Variants in DPYD observed in about 807,000 individuals in gnomAD.
The protein encoded by DPYD is dihydropyrimidine dehydrogenase.
Under a neutral mutation model 116.2 loss-of-function variants are expected in DPYD, and 109 were observed. The observed-to-expected ratio is 0.94, with a 90% CI of 0.80 to 1.10. DPYD has a LOEUF of 1.10. Among genes scored for constraint, DPYD ranks in the 50% least tolerant of loss-of-function variants. The pLI is 0.00. For synonymous variants in DPYD, 440 were observed against 432.0 expected (o/e 1.02, Z -0.23); for missense variants, 1,302 against 1,254.5 (o/e 1.04, Z -0.57).
chr1:97,160,883 T>C (rs1353884314), intron 20 of DPYD, among the ~76,000 whole-genome samples: 1 of 152,190 alleles, frequency 6.6e-6, no homozygotes, highest in East Asian at 1.9e-4. Flanking sequence ...GGTCACTATT[T>C]ATTCTTGAGT....
At chr1:97,565,427 T>C (rs1206671786) in intron 11 of DPYD, among the ~76,000 whole-genome samples, 1 of 152,200 alleles carries the variant, frequency 6.6e-6, no homozygotes, top group Admixed American at 6.5e-5. Context: ...ATCCCTACTT[T>C]AGCATATAAT....
intron 19 of DPYD, among the ~76,000 whole-genome samples, chr1:97,231,113 C>T (rs549037347): frequency 2.1e-4 from 32 of 152,326 alleles, no homozygotes; most frequent in African/African-American, 7.2e-4. Context: ...ACATAACTCT[C>T]GTTTAGTTTT....
chr1:97,876,995 G>A (rs527710496), intron 2 of DPYD, among the ~76,000 whole-genome samples: 5 of 152,146 alleles, frequency 3.3e-5, no homozygotes, highest in Admixed American at 2.0e-4. Context: ...TGGAGAAAGA[G>A]GATCAATGCC....
chr1:97,915,466 T>C (rs1025743848), intron 1 of DPYD, among the ~76,000 whole-genome samples: 1 of 152,132 alleles, frequency 6.6e-6, no homozygotes, highest in African/African-American at 2.4e-5. Context: ...GTAATAATTA[T>C]AAACCACAGG....
chr1:97,617,839 G>A (rs987433530), intron 8 of DPYD, among the ~76,000 whole-genome samples: 3 of 152,112 alleles, frequency 2.0e-5, no homozygotes, highest in East Asian at 3.9e-4. Flanking sequence ...ATTCCTACAC[G>A]CATTAAAGTT....
At chr1:97,487,335 T>G (rs1041014807) in intron 13 of DPYD, among the ~76,000 whole-genome samples, 1 of 152,094 alleles carries the variant, frequency 6.6e-6, no homozygotes, top group African/African-American at 2.4e-5. Context: ...AATAAGCATG[T>G]GAAAAGACGT....
At chr1:97,503,946 G>A (rs1175253128) in intron 13 of DPYD, among the ~76,000 whole-genome samples, 1 of 151,974 alleles carries the variant, frequency 6.6e-6, no homozygotes, top group Non-Finnish European at 1.5e-5. Context: ...GAGACCTTAA[G>A]GGGCATTGAG....
chr1:97,311,136 A>G (rs1174397738), intron 16 of DPYD, among the ~76,000 whole-genome samples: 2 of 151,682 alleles, frequency 1.3e-5, no homozygotes, highest in Non-Finnish European at 1.5e-5. Flanking sequence ...AGGGTAATGG[A>G]AATGTTCCAT....
intron 14 of DPYD, among the ~76,000 whole-genome samples, chr1:97,448,804 G>A (rs1028706231): frequency 9.9e-5 from 15 of 151,826 alleles, no homozygotes; most frequent in Non-Finnish European, 1.6e-4. Flanking sequence ...GATTTTAGAC[G>A]GGTCACGATA....
At chr1:97,125,748 T>C (rs1217192828) in intron 20 of DPYD, among the ~76,000 whole-genome samples, 1 of 152,076 alleles carries the variant, frequency 6.6e-6, no homozygotes, top group African/African-American at 2.4e-5. Flanking sequence ...CTTTCTACCA[T>C]GTGAAGTTAT....
intron 3 of DPYD, among the ~76,000 whole-genome samples, chr1:97,756,636 C>G (rs1175948377): frequency 6.6e-6 from 1 of 151,842 alleles, no homozygotes; most frequent in Non-Finnish European, 1.5e-5. Flanking sequence ...TTAAGGTGAA[C>G]TTTTCAGAAC....
intron 20 of DPYD, among the ~76,000 whole-genome samples, chr1:97,155,547 A>T (rs1365616658): frequency 6.6e-6 from 1 of 152,206 alleles, no homozygotes; most frequent in Non-Finnish European, 1.5e-5. Context: ...GCCTGATTTT[A>T]CTATAATTTG....
intron 12 of DPYD, among the ~76,000 whole-genome samples, chr1:97,523,621 T>C (rs1271094196): frequency 2.0e-5 from 3 of 152,178 alleles, no homozygotes; most frequent in Admixed American, 2.0e-4. Flanking sequence ...CTTCAAAATA[T>C]TTTTTGCTTC....
intron 13 of DPYD, among the ~76,000 whole-genome samples, chr1:97,465,993 T>C (rs1369825330): frequency 1.3e-5 from 2 of 152,060 alleles, no homozygotes; most frequent in African/African-American, 4.8e-5. Flanking sequence ...CCCAGCTACT[T>C]GGGCGGCTGA....
chr1:97,594,415 G>T (rs1196641943), intron 9 of DPYD, among the ~76,000 whole-genome samples: 1 of 152,156 alleles, frequency 6.6e-6, no homozygotes, highest in Non-Finnish European at 1.5e-5. Context: ...ACTGTTTTAA[G>T]TCCTGGGAGA....
At chr1:97,798,926 T>A (rs536421035) in intron 3 of DPYD, among the ~76,000 whole-genome samples, 69 of 152,014 alleles carry the variant, frequency 4.5e-4, no homozygotes, top group Non-Finnish European at 8.8e-4. Context: ...GACAGGAGTA[T>A]AAAGTCCAGC....
chr1:97,658,786 CCTA>C (rs1659088349), intron 8 of DPYD, among the ~76,000 whole-genome samples: 1 of 152,136 alleles, frequency 6.6e-6, no homozygotes, highest in African/African-American at 2.4e-5. Flanking sequence ...ACTTTTCTAA[CCTA>C]CTAACAAGCC....
At chr1:97,238,121 AT>A (rs1305041490) in intron 18 of DPYD, among the ~76,000 whole-genome samples, 2 of 152,216 alleles carry the variant, frequency 1.3e-5, no homozygotes, top group African/African-American at 4.8e-5. Context: ...AATTAGGTCA[AT>A]AAGACATTTT....
At chr1:97,087,833 G>C (rs1329966204) in intron 21 of DPYD, among the ~76,000 whole-genome samples, 1 of 152,126 alleles carries the variant, frequency 6.6e-6, no homozygotes, top group Non-Finnish European at 1.5e-5. Flanking sequence ...TGGGATTCTA[G>C]AAAGATAATA....
Sources: gnomAD v4.1 joint callset for allele counts (sites outside exome capture counted in the v4.1 genomes callset) on GRCh38, gnomAD v4.1.1 for gene constraint, MANE v1.5 for transcripts, NCBI Gene and HGNC (gene_info 2026-07-23, HGNC 2026-07-21) for gene names.